SFMBT1: variants seen among roughly 807,000 people sequenced by gnomAD.
SFMBT1 encodes the protein scm-like with four MBT domains protein 1.
Under a neutral mutation model 108.7 loss-of-function variants are expected in SFMBT1, and 32 were observed. The ratio of observed to expected loss-of-function variants is 0.29; its 90% CI spans 0.22 to 0.40. The LOEUF is 0.40. SFMBT1 is among the 10% of genes least tolerant of loss of function. The pLI, the probability that SFMBT1 is intolerant of heterozygous loss-of-function variation, is 1.00. For missense variants in SFMBT1, 816 were observed against 1,059.6 expected (o/e 0.77, Z 3.19); for synonymous variants, 348 against 369.5 (o/e 0.94, Z 0.67).
chr3:53,027,089 G>A (rs886635324), intron 1 of SFMBT1, among the ~76,000 whole-genome samples: 4 of 151,968 alleles, frequency 2.6e-5, no homozygotes, highest in African/African-American at 7.2e-5. Context: ...AACAGGGAAG[G>A]GAATTCAAAA....
intron 2 of SFMBT1, among the ~76,000 whole-genome samples, chr3:52,957,826 CT>C (rs1453700208): frequency 6.6e-6 from 1 of 152,150 alleles, no homozygotes; most frequent in Non-Finnish European, 1.5e-5. Context: ...GCATTAAAGA[CT>C]TAAATGTAAA....
In SFMBT1 at chr3:52,928,199, G is replaced by T; in HGVS notation, c.1040C>A (p.Pro347His). The change falls in exon 9 of 21, where the codon CCC becomes CAC. Residue 347 changes from proline (P) to histidine (H), a missense_variant. Transcript: ENST00000394752. Reference protein sequence around the residue: ...WSLKNGLHISPPPGYPSQDFD... With the variant: ...WSLKNGLHISHPPGYPSQDFD... ...AGACAGCGAATGTGCACCTGGAGGG[G>T]GGCTGATGTGTAGGCCATTCTTCAG... The T allele has an allele frequency of 6.2e-7, 1 of 1,611,938 alleles. No individual in the cohort carries two copies. Among genetic ancestry groups the T allele is most frequent in the Non-Finnish European group, 8.5e-7 (1 of 1,179,138 alleles).
chr3:52,989,745 G>C (rs1306758657), intron 1 of SFMBT1, among the ~76,000 whole-genome samples: 1 of 151,576 alleles, frequency 6.6e-6, no homozygotes, highest in East Asian at 1.9e-4. Flanking sequence ...AGTAAGCCAA[G>C]GTCACGCCAC....
At chr3:52,942,536 A>G (rs926726101) in intron 4 of SFMBT1, among the ~76,000 whole-genome samples, 1 of 152,210 alleles carries the variant, frequency 6.6e-6, no homozygotes, top group African/African-American at 2.4e-5. Flanking sequence ...CTTTTGAGAC[A>G]GAATCTCACT....
chr3:53,026,591 C>T (rs1699499924), intron 1 of SFMBT1, among the ~76,000 whole-genome samples: 1 of 152,048 alleles, frequency 6.6e-6, no homozygotes, highest in East Asian at 1.9e-4. Context: ...CAGAGTTTAC[C>T]CTCCCTCCCT....
intron 2 of SFMBT1, among the ~76,000 whole-genome samples, chr3:52,968,331 T>C (rs1704216987): frequency 6.6e-6 from 1 of 152,214 alleles, no homozygotes; most frequent in African/African-American, 2.4e-5. Flanking sequence ...GGAATAGTTC[T>C]GTATTTTGAC....
At chr3:52,915,925 C>T (rs1385561460) in intron 14 of SFMBT1, among the ~76,000 whole-genome samples, 2 of 152,190 alleles carry the variant, frequency 1.3e-5, no homozygotes, top group African/African-American at 4.8e-5. Context: ...AACGGTTGAT[C>T]AGTAAAGAAT....
Position 52,969,318 on chromosome 3 carries a change from T to A in SFMBT1, c.-130-60A>T, listed in dbSNP as rs1704262298. 3 of 1,435,366 alleles carry A rather than the reference T, an allele frequency of 2.1e-6. No homozygotes were observed. In the South Asian group the frequency reaches 4.5e-5, roughly 21 times the overall value. 88.9% of individuals were successfully genotyped at this position (1,435,366 alleles called of 1,614,324 possible). On this transcript the variant is annotated intron_variant, in intron 1 of 20. Transcript: ENST00000394752. ...AAGCCCAAGTGTGCTCACTCACTCA[T>A]CAAACAGGGCACTCGACTGGTTGAG...
At chr3:52,939,199 C>A (rs547870870) in intron 4 of SFMBT1, among the ~76,000 whole-genome samples, 13 of 152,252 alleles carry the variant, frequency 8.5e-5, no homozygotes, top group African/African-American at 3.1e-4. Flanking sequence ...GATGTAGCTG[C>A]CCTCATTTGA....
chr3:52,921,698 C>T lies in SFMBT1; in HGVS notation c.1258+7G>A, dbSNP rs1476760470. On this transcript the variant is annotated splice_region_variant and intron_variant, in intron 11 of 20. Transcript: ENST00000394752. ...CACAGGAAGGCTTCTAGAGTGCTGG[C>T]ACTCACCCTCCAGCTGGAGCCACAG... The T allele has an allele frequency of 2.5e-6, 4 of 1,613,680 alleles. No individual in the cohort carries two copies. In the African/African-American group the frequency reaches 4.0e-5, roughly 16 times the overall value.
chr3:52,931,572 T>A (rs1702860367), intron 6 of SFMBT1, among the ~76,000 whole-genome samples: 1 of 152,048 alleles, frequency 6.6e-6, no homozygotes, highest in African/African-American at 2.4e-5. Flanking sequence ...AGGTACGGTG[T>A]CTCACGCCTG....
At chr3:52,977,248 C>T (rs1054226663) in intron 1 of SFMBT1, among the ~76,000 whole-genome samples, 5 of 152,130 alleles carry the variant, frequency 3.3e-5, no homozygotes, top group African/African-American at 7.2e-5. Context: ...CGGTGGCTAA[C>T]GCATGTAATC....
intron 1 of SFMBT1, among the ~76,000 whole-genome samples, chr3:53,007,231 A>G (rs974261206): frequency 6.6e-6 from 1 of 152,174 alleles, no homozygotes; most frequent in Non-Finnish European, 1.5e-5. Flanking sequence ...TAATACCTCT[A>G]CTTAGCACTT....
chr3:52,992,549 A>G (rs1246905383), intron 1 of SFMBT1, among the ~76,000 whole-genome samples: 2 of 152,080 alleles, frequency 1.3e-5, no homozygotes, highest in Non-Finnish European at 2.9e-5. Context: ...CAAACAGGTC[A>G]TGGGTAAATC....
chr3:52,962,105 T>C (rs1027130136), intron 2 of SFMBT1, among the ~76,000 whole-genome samples: 5 of 152,182 alleles, frequency 3.3e-5, no homozygotes, highest in African/African-American at 4.8e-5. Context: ...AATTCCAAAG[T>C]GTGACAAGCC....
chr3:52,919,558 G>A (rs1702457137), intron 12 of SFMBT1, among the ~76,000 whole-genome samples: 3 of 152,208 alleles, frequency 2.0e-5, no homozygotes, highest in African/African-American at 4.8e-5. Context: ...TGATGAAAAT[G>A]TTCTCAATCT....
intron 1 of SFMBT1, among the ~76,000 whole-genome samples, chr3:53,026,971 T>C (rs1699514502): frequency 6.6e-6 from 1 of 152,094 alleles, no homozygotes; most frequent in Non-Finnish European, 1.5e-5. Context: ...TTTGTAGAGA[T>C]GGGGTCTCGC....
intron 4 of SFMBT1, among the ~76,000 whole-genome samples, chr3:52,937,294 T>C (rs572775936): frequency 6.6e-6 from 1 of 152,330 alleles, no homozygotes; most frequent in East Asian, 1.9e-4. Flanking sequence ...TTAGAATATA[T>C]AACCCTAACT....
intron 1 of SFMBT1, among the ~76,000 whole-genome samples, chr3:52,974,169 A>G (rs920005435): frequency 6.6e-6 from 1 of 152,220 alleles, no homozygotes; most frequent in Non-Finnish European, 1.5e-5. Context: ...AAACAAAACA[A>G]AACACTTTAA....
Sources: allele counts gnomAD v4.1 joint callset (sites outside exome capture counted in the v4.1 genomes callset), GRCh38; gene constraint gnomAD v4.1.1; transcripts MANE v1.5; gene names NCBI Gene and HGNC (gene_info 2026-07-23, HGNC 2026-07-21).